Variants in ANKRD26 observed in about 807,000 individuals in gnomAD.
The protein encoded by ANKRD26 is ankyrin repeat domain-containing protein 26.
ANKRD26 carries 141 observed loss-of-function variants against 208.7 expected under a neutral mutation model. The observed-to-expected ratio is 0.68, with a 90% CI of 0.59 to 0.78. The LOEUF is 0.78. ANKRD26 is among the 30% of genes least tolerant of loss of function. The pLI is 0.00. For synonymous variants in ANKRD26, 636 were observed against 660.4 expected (o/e 0.96, Z 0.57); for missense variants, 1,889 against 1,938.7 (o/e 0.97, Z 0.48).
downstream of ANKRD26, among the ~76,000 whole-genome samples, chr10:27,000,558 A>G (rs577387565): frequency 1.1e-4 from 16 of 152,376 alleles, no homozygotes; most frequent in South Asian, 2.7e-3. Flanking sequence ...TTAGCAAGAT[A>G]GCTGAATCCA....
intron 1 of ANKRD26, among the ~76,000 whole-genome samples, chr10:27,098,860 C>T (rs1447815545): frequency 4.0e-5 from 6 of 151,848 alleles, no homozygotes; most frequent in African/African-American, 1.5e-4. Flanking sequence ...AATTTTACCA[C>T]GTTTTGTACA....
intron 30 of ANKRD26, among the ~76,000 whole-genome samples, chr10:27,015,631 G>C (rs1270910525): frequency 6.6e-6 from 1 of 152,152 alleles, no homozygotes; most frequent in Non-Finnish European, 1.5e-5. Flanking sequence ...TGTGTTCCAA[G>C]ACTCCTATCT....
intron 1 of ANKRD26, among the ~76,000 whole-genome samples, chr10:27,094,694 C>A (rs2056409775): frequency 6.6e-6 from 1 of 152,170 alleles, no homozygotes; most frequent in South Asian, 2.1e-4. Flanking sequence ...ACCTAGTTGA[C>A]AGTATGTTTT....
At chr10:27,040,766 A>T (rs1214478800) in intron 20 of ANKRD26, among the ~76,000 whole-genome samples, 11 of 152,174 alleles carry the variant, frequency 7.2e-5, no homozygotes, top group Admixed American at 7.2e-4. Flanking sequence ...GTAGTGGGTC[A>T]CACCTGTAAT....
the ANKRD26 span, among the ~76,000 whole-genome samples, chr10:26,961,583 G>A: frequency 1.7e-4 from 26 of 152,126 alleles, no homozygotes; most frequent in African/African-American, 6.3e-4. Context: ...GGCGGCACAT[G>A]CTGTAATCCC....
chr10:27,084,833 T>G (rs577071499), intron 5 of ANKRD26, among the ~76,000 whole-genome samples: 1 of 150,282 alleles, frequency 6.7e-6, no homozygotes, highest in South Asian at 2.1e-4. Context: ...CGCACCATTA[T>G]TGCACTCCAG....
the ANKRD26 span, among the ~76,000 whole-genome samples, chr10:26,951,013 CTTTTTCTTT>C: frequency 3.7e-3 from 369 of 100,904 alleles, 3 homozygotes; most frequent in South Asian, 5.5e-3. Context: ...CTTTTCTTTT[CTTTTTCTTT>C]TTTTTTTTTT....
At chr10:27,042,818 AAG>A (rs1187065750) in intron 20 of ANKRD26, among the ~76,000 whole-genome samples, 234 of 146,786 alleles carry the variant, frequency 1.6e-3, no homozygotes, top group South Asian at 3.5e-3. Flanking sequence ...AAAAAAAAAA[AAG>A]CTGGGTGTGG....
In ANKRD26 at chr10:27,028,938, T is replaced by C; in HGVS notation, c.3886A>G (p.Lys1296Glu). The C allele has an allele frequency of 6.2e-7, 1 of 1,608,540 alleles. No individual in the cohort carries two copies. The highest frequency in any genetic ancestry group is 8.5e-7 in the Non-Finnish European group (1 of 1,175,932). ...GTAACTTTTAACTTGGCATTATCTT[T>C]TTCAAGCCTGAAATGTATATTTTAA... ...KMQDHKQKLEKDNAKLKVTVK... is the reference protein window; with the variant it reads ...KMQDHKQKLEEDNAKLKVTVK... Residue 1296 changes from lysine (K) to glutamate (E), a missense_variant, in exon 27 of 34, where the codon AAA becomes GAA. Lys to Glu is a moderately conservative substitution (Grantham distance 56). Transcript: ENST00000376087.
At chr10:27,086,758 A>C (rs1033525506) in intron 4 of ANKRD26, 149 bp from the exon 5 acceptor site, 73 of 800,602 alleles carry the variant, frequency 9.1e-5, no homozygotes, top group Admixed American at 1.3e-4. Flanking sequence ...TAAGCTCTAC[A>C]AACTTTTTTG....
chr10:27,017,904 T>A, intron 29 of ANKRD26, 112 bp from the exon 30 acceptor site: 3 of 1,023,992 alleles, frequency 2.9e-6, no homozygotes, highest in Non-Finnish European at 4.2e-6. Context: ...AAATGTCACC[T>A]GAACCATAAA....
At chr10:27,028,782 A>G in intron 27 of ANKRD26, 70 bp downstream of exon 27, 1 of 1,250,892 alleles carries the variant, frequency 8.0e-7, no homozygotes, top group Non-Finnish European at 1.2e-6. Flanking sequence ...TAAATAAGGG[A>G]TACTCAACTT....
chr10:27,081,789 G>A (rs887644875), intron 6 of ANKRD26, among the ~76,000 whole-genome samples: 1 of 151,894 alleles, frequency 6.6e-6, no homozygotes, highest in African/African-American at 2.4e-5. Context: ...CCAGGCTGGA[G>A]TGCAGTGGCG....
chr10:27,057,206 G>A (rs2054868523), intron 15 of ANKRD26, among the ~76,000 whole-genome samples: 1 of 152,178 alleles, frequency 6.6e-6, no homozygotes, highest in Non-Finnish European at 1.5e-5. Flanking sequence ...CAACCTCTAT[G>A]CTACAAACAC....
At chr10:27,081,725 T>A (rs57454414) in intron 6 of ANKRD26, among the ~76,000 whole-genome samples, 6 of 151,830 alleles carry the variant, frequency 4.0e-5, no homozygotes, top group Admixed American at 3.3e-4. Context: ...GTGGTATAAA[T>A]ATTCCATGGA....
chr10:27,056,032 A>G (rs576293749), intron 15 of ANKRD26, among the ~76,000 whole-genome samples: 133 of 152,292 alleles, frequency 8.7e-4, no homozygotes, highest in African/African-American at 3.1e-3. Flanking sequence ...CCTAAACAAA[A>G]TTACTGTCCC....
rs776807142 is a variant in ANKRD26, at chr10:27,040,196, CAA to C, written c.2162-20_2162-19del. ...AACAGAATCTGTATCAGGAAGAAAA[CAA>C]GATAGAAATATATGAGCATTTTTCC... On this transcript the variant is annotated intron_variant, in intron 20 of 33. Transcript: ENST00000376087. 1.3e-6 allele frequency: 2 copies of C among 1,569,798 alleles called. No homozygotes were observed. Among genetic ancestry groups the C allele is most frequent in the Non-Finnish European group, 1.7e-6 (2 of 1,142,970 alleles).
At chr10:26,981,341 T>C (rs1250012936) in intron 4 of ANKRD26, among the ~76,000 whole-genome samples, 2 of 152,194 alleles carry the variant, frequency 1.3e-5, no homozygotes, top group Non-Finnish European at 2.9e-5. Flanking sequence ...TTTTATAGGA[T>C]GGTCTTTGTG....
At chr10:27,018,141 ATT>A (rs11346457) in intron 29 of ANKRD26, among the ~76,000 whole-genome samples, 309 of 131,114 alleles carry the variant, frequency 2.4e-3, no homozygotes, top group Admixed American at 2.8e-3. Flanking sequence ...ATGCCCTATA[ATT>A]TTTTTTTTTT....
Sources: allele counts gnomAD v4.1 joint callset (sites outside exome capture counted in the v4.1 genomes callset), GRCh38; gene constraint gnomAD v4.1.1; transcripts MANE v1.5; gene names NCBI Gene and HGNC (gene_info 2026-07-23, HGNC 2026-07-21).